SGCD: variants seen among roughly 807,000 people sequenced by gnomAD.
SGCD encodes the protein sarcoglycan delta.
A neutral mutation model predicts 36.6 loss-of-function variants in SGCD; 18 were observed. The observed-to-expected ratio is 0.49, with a 90% CI of 0.34 to 0.73. The LOEUF is 0.73. Ranked by LOEUF, SGCD falls within the 30% of genes least tolerant of loss-of-function variation. The pLI is 0.01. For synonymous variants in SGCD, 133 were observed against 130.6 expected (o/e 1.02, Z -0.12); for missense variants, 387 against 346.7 (o/e 1.12, Z -0.92).
intron 4 of SGCD, among the ~76,000 whole-genome samples, chr5:156,574,793 C>T (rs1759861917): frequency 1.3e-5 from 2 of 152,190 alleles, no homozygotes; most frequent in African/African-American, 4.8e-5. Flanking sequence ...ATTCGAATCT[C>T]AACTTGCACT....
At chr5:156,382,135 A>G (rs1269284474) in intron 3 of SGCD, among the ~76,000 whole-genome samples, 1 of 152,118 alleles carries the variant, frequency 6.6e-6, no homozygotes, top group Non-Finnish European at 1.5e-5. Flanking sequence ...CAGGAATCAA[A>G]CCCAGGTTTT....
chr5:156,040,666 G>A (rs1759612556), intron 1 of SGCD, among the ~76,000 whole-genome samples: 1 of 152,198 alleles, frequency 6.6e-6, no homozygotes, highest in African/African-American at 2.4e-5. Context: ...GTGGTGTGGT[G>A]TAGTGTGCAG....
chr5:156,074,533 T>C (rs886337370), intron 1 of SGCD, among the ~76,000 whole-genome samples: 6 of 152,026 alleles, frequency 3.9e-5, no homozygotes, highest in African/African-American at 1.2e-4. Context: ...AATATAAAAA[T>C]TAGCCGGGCG....
At chr5:156,406,966 T>TA (rs1350043533) in intron 3 of SGCD, among the ~76,000 whole-genome samples, 3 of 151,478 alleles carry the variant, frequency 2.0e-5, no homozygotes, top group African/African-American at 7.3e-5. Context: ...CTGAAGAACT[T>TA]AGAGTCCGAT....
At position 155,965,148 on chromosome 5, in the gene SGCD, G is replaced by T. The variant is rs1177301289; in HGVS notation, c.-282+94724G>T. Among the ~76,000 whole-genome samples, 8 of 152,118 alleles carry T rather than the reference G, an allele frequency of 5.3e-5. No individual in the cohort carries two copies. In the East Asian group the frequency reaches 1.5e-3, roughly 29 times the overall value. On this transcript the variant is annotated intron_variant, in intron 1 of 9. Transcript: ENST00000517913. ...CATCTCTGCCCTGTACACAAAGAGGGTTGAAGGTGTGGTAGTCCTAAACAT... is the reference window on the plus strand; with the variant it reads ...CATCTCTGCCCTGTACACAAAGAGGTTTGAAGGTGTGGTAGTCCTAAACAT...
At chr5:155,856,906 G>A in the SGCD span, among the ~76,000 whole-genome samples, 1 of 152,144 alleles carries the variant, frequency 6.6e-6, no homozygotes, top group East Asian at 1.9e-4. Flanking sequence ...AGAAGATAGT[G>A]CAACCACTTC....
chr5:155,781,280 C>T, the SGCD span, among the ~76,000 whole-genome samples: 5 of 152,158 alleles, frequency 3.3e-5, no homozygotes, highest in African/African-American at 1.2e-4. Flanking sequence ...ATGGGTCTCC[C>T]GACTTCAGGT....
chr5:155,920,465 GAC>G (rs1376647919), intron 1 of SGCD, among the ~76,000 whole-genome samples: 1 of 152,108 alleles, frequency 6.6e-6, no homozygotes, highest in Non-Finnish European at 1.5e-5. Context: ...CTGTGATGGA[GAC>G]ACACTGAGCT....
intron 1 of SGCD, among the ~76,000 whole-genome samples, chr5:156,117,690 G>A (rs935540032): frequency 6.6e-6 from 1 of 152,126 alleles, no homozygotes; most frequent in Admixed American, 6.6e-5. Flanking sequence ...AGCACTGAGA[G>A]GTTAAATAAC....
intron 1 of SGCD, among the ~76,000 whole-genome samples, chr5:156,091,644 C>T (rs1428790610): frequency 6.6e-6 from 1 of 152,208 alleles, no homozygotes; most frequent in Non-Finnish European, 1.5e-5. Context: ...TGCTATCACC[C>T]AAGGTTGGGT....
intron 1 of SGCD, among the ~76,000 whole-genome samples, chr5:156,084,687 T>C (rs545698063): frequency 6.6e-6 from 1 of 152,316 alleles, no homozygotes; most frequent in Admixed American, 6.5e-5. Flanking sequence ...CTGCTCTTTA[T>C]TTTACTTGCC....
intron 1 of SGCD, among the ~76,000 whole-genome samples, chr5:155,896,865 A>C (rs1452285860): frequency 6.6e-6 from 1 of 152,186 alleles, no homozygotes; most frequent in African/African-American, 2.4e-5. Flanking sequence ...CTAAAGTTTG[A>C]AAATCAGTGT....
Position 156,459,196 on chromosome 5 carries a change from A to C in SGCD, c.193-49405A>C, listed in dbSNP as rs549540259. Among the ~76,000 whole-genome samples the C allele has an allele frequency of 3.9e-5, 6 of 152,178 alleles. No individual in the cohort carries two copies. The East Asian group carries it at 1.2e-3, about 29-fold the overall frequency. On this transcript the variant is annotated intron_variant, in intron 3 of 8. Coordinates refer to ENST00000337851, the MANE Select transcript of SGCD (RefSeq NM_000337.6). ...CCCAACCTCCACTTTATAAGTACAT[A>C]ATTGTGTGTATACTATGTGGCTTAC... is the stretch of plus-strand genomic sequence containing the variant.
intron 3 of SGCD, among the ~76,000 whole-genome samples, chr5:156,258,902 A>G (rs1121853): frequency 0.065 from 9,952 of 152,060 alleles, 326 homozygotes; most frequent in African/African-American, 0.073. Context: ...TTAAGAGAGT[A>G]AAGGGGTTCT....
At chr5:156,220,209 T>A (rs1764683619) in intron 3 of SGCD, among the ~76,000 whole-genome samples, 1 of 152,176 alleles carries the variant, frequency 6.6e-6, no homozygotes. Context: ...AGTGCTACCT[T>A]TATTAATATG....
chr5:156,080,568 A>T (rs1293799080), intron 1 of SGCD, among the ~76,000 whole-genome samples: 1 of 152,236 alleles, frequency 6.6e-6, no homozygotes, highest in Non-Finnish European at 1.5e-5. Context: ...AAAAGCAGCC[A>T]GGCCATTTCT....
At chr5:156,038,203 T>C (rs1759545672) in intron 1 of SGCD, among the ~76,000 whole-genome samples, 2 of 152,204 alleles carry the variant, frequency 1.3e-5, no homozygotes, top group Non-Finnish European at 2.9e-5. Flanking sequence ...CAGCCAATCA[T>C]GAGAAAGCAT....
At chr5:156,668,496 A>G (rs1753150880) in intron 7 of SGCD, among the ~76,000 whole-genome samples, 1 of 152,206 alleles carries the variant, frequency 6.6e-6, no homozygotes, top group African/African-American at 2.4e-5. Context: ...TGATGCTTCA[A>G]TATTTGAGCC....
rs556199796 is a variant in SGCD, at chr5:156,490,876, A to G, written c.193-17725A>G. Among the ~76,000 whole-genome samples, 6 of 152,214 alleles carry G rather than the reference A, an allele frequency of 3.9e-5. No individual in the cohort carries two copies. In the South Asian group the frequency reaches 1.2e-3, roughly 32 times the overall value. ...GCAAGCGCATTCAGTCAGGAGGAAA[A>G]AATTAAAAGTTATCCAAACTGGAAA... On this transcript the variant is annotated intron_variant, in intron 3 of 8. Coordinates refer to ENST00000337851, the MANE Select transcript of SGCD (RefSeq NM_000337.6).
Sources: allele counts gnomAD v4.1 joint callset (sites outside exome capture counted in the v4.1 genomes callset), GRCh38; gene constraint gnomAD v4.1.1; transcripts MANE v1.5; gene names NCBI Gene and HGNC (gene_info 2026-07-23, HGNC 2026-07-21).